The following HECW1 variants were observed in gnomAD, a reference collection of about 807,000 sequenced individuals.
HECW1 encodes the protein E3 ubiquitin-protein ligase HECW1.
In HECW1, 61 loss-of-function variants were observed where a neutral mutation model predicts 182.3. That is an observed-to-expected ratio of 0.33 (90% CI 0.27 to 0.41). The LOEUF (loss-of-function observed/expected upper bound fraction) is 0.41, where lower values mean the gene tolerates loss of function less well. Among genes scored for constraint, HECW1 ranks in the 10% least tolerant of loss-of-function variants. The pLI, the probability that HECW1 is intolerant of heterozygous loss-of-function variation, is 1.00. For missense variants in HECW1, 1,739 were observed against 2,108.9 expected (o/e 0.82, Z 3.44); for synonymous variants, 859 against 832.6 (o/e 1.03, Z -0.55).
At chr7:43,323,993 C>G (rs1241641853) in intron 5 of HECW1, among the ~76,000 whole-genome samples, 2 of 151,878 alleles carry the variant, frequency 1.3e-5, no homozygotes, top group Non-Finnish European at 2.9e-5. Flanking sequence ...GAGATCGCAC[C>G]ATTGCACTCC....
intron 19 of HECW1, 73 bp downstream of exon 19, chr7:43,493,253 TGGAG>T: frequency 1.1e-6 from 1 of 942,492 alleles, no homozygotes; most frequent in Non-Finnish European, 1.7e-6. Context: ...AACACCTCTG[TGGAG>T]ACAGAGCGGA....
At chr7:43,291,825 G>A (rs986664394) in intron 3 of HECW1, among the ~76,000 whole-genome samples, 2 of 152,214 alleles carry the variant, frequency 1.3e-5, no homozygotes, top group Non-Finnish European at 2.9e-5. Context: ...TAAATCTCGA[G>A]TAGATTTCAA....
Position 43,374,773 on chromosome 7 carries a change from CAAAAAAAAAAA to C in HECW1, c.555+13810_555+13820del, listed in dbSNP as rs66910107. 6.9e-4 allele frequency among the ~76,000 whole-genome samples: 10 copies of C among 14,502 alleles called. 1 individual carries two copies. The highest frequency in any genetic ancestry group is 1.2e-3 in the Admixed American group (1 of 840). 9.5% of individuals were successfully genotyped at this position (14,502 alleles called of 152,430 possible). ...TGGGCGACAGAGCTAGACTCCGTCTCAAAAAAAAAAAAAAAAAAAAAAAAAAATAGAGAAAT... is the reference window on the plus strand; with the variant it reads ...TGGGCGACAGAGCTAGACTCCGTCTCAAAAAAAAAAAAAAAATAGAGAAAT... On this transcript the variant is annotated intron_variant, in intron 6 of 29. Coordinates refer to ENST00000395891, the MANE Select transcript of HECW1 (RefSeq NM_015052.5).
intron 6 of HECW1, among the ~76,000 whole-genome samples, chr7:43,370,590 G>C (rs990177704): frequency 3.3e-5 from 5 of 152,076 alleles, no homozygotes; most frequent in Admixed American, 2.0e-4. Context: ...AAACTTGGAG[G>C]CATCTTGGAT....
In HECW1 at chr7:43,114,216, A is replaced by C. The variant is rs1455279408; in HGVS notation, c.-207A>C. The stretch of plus-strand genomic sequence containing the variant: ...CAAGAGCAGCATAGTTCAAAAATTG[A>C]GGGAGGCATCTTCTCTCTTTTCCTG... On this transcript the variant is annotated 5_prime_UTR_variant, in exon 2 of 30. Coordinates refer to ENST00000395891, the MANE Select transcript of HECW1 (RefSeq NM_015052.5). 1 of 1,356,004 alleles carries C rather than the reference A, an allele frequency of 7.4e-7. No homozygotes were observed. Among genetic ancestry groups the C allele is most frequent in the Admixed American group, 2.3e-5 (1 of 44,292 alleles). 84.0% of individuals were successfully genotyped at this position (1,356,004 alleles called of 1,614,324 possible).
chr7:43,213,167 A>G (rs1796145376), intron 2 of HECW1, among the ~76,000 whole-genome samples: 1 of 152,118 alleles, frequency 6.6e-6, no homozygotes, highest in Non-Finnish European at 1.5e-5. Flanking sequence ...CTTCCCAGAA[A>G]GTGCATGACT....
chr7:43,339,245 G>A (rs978056), intron 5 of HECW1, among the ~76,000 whole-genome samples: 73,673 of 151,892 alleles, frequency 0.49, 18,260 homozygotes, highest in African/African-American at 0.58. Flanking sequence ...AATTACATAC[G>A]GTGGATCATT....
intron 17 of HECW1, among the ~76,000 whole-genome samples, chr7:43,480,694 T>TAC (rs2078401289): frequency 6.7e-6 from 1 of 149,006 alleles, no homozygotes; most frequent in South Asian, 2.2e-4. Flanking sequence ...CATATATATA[T>TAC]ATACACACAC....
intron 11 of HECW1, among the ~76,000 whole-genome samples, chr7:43,449,964 T>C (rs531316469): frequency 6.6e-6 from 1 of 152,240 alleles, no homozygotes; most frequent in East Asian, 1.9e-4. Flanking sequence ...AAGTCCGAAC[T>C]GAGAACAGTA....
At chr7:43,398,896 C>T (rs1232889864) in intron 7 of HECW1, among the ~76,000 whole-genome samples, 1 of 152,160 alleles carries the variant, frequency 6.6e-6, no homozygotes, top group East Asian at 1.9e-4. Flanking sequence ...TGAAGCTGTC[C>T]TCCTATGCTG....
At chr7:43,251,762 C>A (rs1021715563) in intron 3 of HECW1, among the ~76,000 whole-genome samples, 4 of 152,232 alleles carry the variant, frequency 2.6e-5, no homozygotes, top group East Asian at 1.9e-4. Flanking sequence ...TACAATTCCA[C>A]CCACAAAGTC....
At chr7:43,494,866 C>T (rs1473975560) in intron 19 of HECW1, among the ~76,000 whole-genome samples, 3 of 152,238 alleles carry the variant, frequency 2.0e-5, no homozygotes, top group South Asian at 2.1e-4. Flanking sequence ...CTGGCCCTAA[C>T]CTAACTCTCC....
intron 6 of HECW1, among the ~76,000 whole-genome samples, chr7:43,390,537 T>TAA (rs773044688): frequency 0.012 from 1,340 of 111,038 alleles, 54 homozygotes; most frequent in African/African-American, 0.037. Context: ...AAGCAACTCT[T>TAA]AAAAAAAAAA....
chr7:43,271,182 T>G (rs938249967), intron 3 of HECW1, among the ~76,000 whole-genome samples: 6 of 152,126 alleles, frequency 3.9e-5, no homozygotes, highest in African/African-American at 1.4e-4. Context: ...CCAAGAAACT[T>G]TGGGGAAAGA....
At position 43,302,950 on chromosome 7, in the gene HECW1, T is replaced by C. The variant is rs574504742; in HGVS notation, c.28-8813T>C. Among the ~76,000 whole-genome samples, 17 of 151,710 alleles carry C rather than the reference T, an allele frequency of 1.1e-4. No individual in the cohort carries two copies. In the South Asian group the frequency reaches 1.2e-3, roughly 11 times the overall value. On this transcript the variant is annotated intron_variant, in intron 3 of 29. Coordinates refer to ENST00000395891, the MANE Select transcript of HECW1 (RefSeq NM_015052.5). The stretch of plus-strand genomic sequence containing the variant: ...ACACCCACACACGTGCACACACACA[T>C]GCGCGCACACACACACACAGGAATA...
At chr7:43,412,083 T>C (rs2075820206) in intron 8 of HECW1, among the ~76,000 whole-genome samples, 1 of 152,190 alleles carries the variant, frequency 6.6e-6, no homozygotes, top group African/African-American at 2.4e-5. Flanking sequence ...TTTCAATTTA[T>C]CTACTGAATT....
chr7:43,129,607 A>G (rs1240728153), intron 2 of HECW1, among the ~76,000 whole-genome samples: 1 of 152,196 alleles, frequency 6.6e-6, no homozygotes, highest in Non-Finnish European at 1.5e-5. Flanking sequence ...GTATGCTTAT[A>G]TTAAATAGGT....
intron 5 of HECW1, among the ~76,000 whole-genome samples, chr7:43,355,951 T>C (rs913995366): frequency 6.6e-6 from 1 of 152,126 alleles, no homozygotes; most frequent in African/African-American, 2.4e-5. Flanking sequence ...ATTGCGCCAC[T>C]GCATTCTAGC....
At chr7:43,494,069 C>A (rs1003751299) in intron 19 of HECW1, among the ~76,000 whole-genome samples, 1 of 152,188 alleles carries the variant, frequency 6.6e-6, no homozygotes, top group Admixed American at 6.5e-5. Flanking sequence ...CCGACTTCCT[C>A]GGGGAATCAC....
Sources: gnomAD v4.1 joint callset for allele counts (sites outside exome capture counted in the v4.1 genomes callset) on GRCh38, gnomAD v4.1.1 for gene constraint, MANE v1.5 for transcripts, NCBI Gene and HGNC (gene_info 2026-07-23, HGNC 2026-07-21) for gene names.